TSHZ2: variants seen among roughly 807,000 people sequenced by gnomAD.
TSHZ2 encodes teashirt zinc finger homeobox 2.
Under a neutral mutation model 74.4 loss-of-function variants are expected in TSHZ2, and 21 were observed. The ratio of observed to expected loss-of-function variants is 0.28; its 90% CI spans 0.20 to 0.41. The LOEUF (loss-of-function observed/expected upper bound fraction) is 0.41, where lower values mean the gene tolerates loss of function less well. TSHZ2 is among the 10% of genes least tolerant of loss of function. The probability of loss-of-function intolerance (pLI) is 1.00; values close to 1 mark genes in which losing one functional copy is unlikely to be tolerated. For missense variants in TSHZ2, 1,244 were observed against 1,293.5 expected, an observed-to-expected ratio of 0.96 and a Z score of 0.59; for synonymous variants, 540 against 515.3, an observed-to-expected ratio of 1.05 and a Z score of -0.65.
intron 2 of TSHZ2, among the ~76,000 whole-genome samples, chr20:53,483,415 G>A (rs3908771): frequency 2.0e-5 from 3 of 152,032 alleles, no homozygotes; most frequent in South Asian, 2.1e-4. Flanking sequence ...GGAGGCTAAC[G>A]TGGGAGGATG....
At chr20:53,088,749 G>A (rs903611233) in intron 1 of TSHZ2, among the ~76,000 whole-genome samples, 8 of 152,032 alleles carry the variant, frequency 5.3e-5, no homozygotes, top group African/African-American at 1.9e-4. Context: ...ATTAATTGAA[G>A]GCTCACTCTG....
intron 2 of TSHZ2, among the ~76,000 whole-genome samples, chr20:53,340,184 C>CTTTTTTTTTTTT (rs557613827): frequency 0.013 from 1,417 of 109,394 alleles, 10 homozygotes; most frequent in South Asian, 0.021. Context: ...TTTCTTTTTT[C>CTTTTTTTTTTTT]TTTTTTTTTT....
chr20:53,347,035 C>T (rs1489638576), intron 2 of TSHZ2, among the ~76,000 whole-genome samples: 1 of 152,150 alleles, frequency 6.6e-6, no homozygotes, highest in African/African-American at 2.4e-5. Flanking sequence ...GGGTCAAAAC[C>T]AGAACCATAG....
chr20:53,245,809 A>AT (rs1277968925), intron 1 of TSHZ2, among the ~76,000 whole-genome samples: 1 of 152,106 alleles, frequency 6.6e-6, no homozygotes, highest in African/African-American at 2.4e-5. Flanking sequence ...AGTCACTCCT[A>AT]TTTGAGGTTG....
At chr20:53,014,735 A>G (rs990223521) in intron 1 of TSHZ2, among the ~76,000 whole-genome samples, 2 of 152,102 alleles carry the variant, frequency 1.3e-5, no homozygotes, top group Non-Finnish European at 2.9e-5. Context: ...CTACTTGTTA[A>G]TATCTTTCAG....
At chr20:53,236,756 C>A (rs144148920) in intron 1 of TSHZ2, among the ~76,000 whole-genome samples, 2 of 152,216 alleles carry the variant, frequency 1.3e-5, no homozygotes, top group East Asian at 3.8e-4. Flanking sequence ...AACTTACAAT[C>A]ATGACGGAAG....
chr20:53,217,457 A>C (rs1322417017), intron 1 of TSHZ2, among the ~76,000 whole-genome samples: 1 of 152,144 alleles, frequency 6.6e-6, no homozygotes, highest in Non-Finnish European at 1.5e-5. Context: ...AAGAACAACA[A>C]TAATCAGAAC....
chr20:53,061,810 A>G (rs1307212446), intron 1 of TSHZ2, among the ~76,000 whole-genome samples: 7 of 152,184 alleles, frequency 4.6e-5, no homozygotes, highest in African/African-American at 1.4e-4. Context: ...CTCAAATTCC[A>G]TTTTAAAATC....
chr20:53,346,579 G>C (rs1056961037), intron 2 of TSHZ2, among the ~76,000 whole-genome samples: 3 of 152,356 alleles, frequency 2.0e-5, no homozygotes, highest in South Asian at 2.1e-4. Context: ...TTCGAAGGAA[G>C]CTTAGGCTCC....
intron 1 of TSHZ2, among the ~76,000 whole-genome samples, chr20:53,010,370 C>A (rs1174768401): frequency 6.6e-6 from 1 of 152,100 alleles, no homozygotes; most frequent in Non-Finnish European, 1.5e-5. Context: ...CATGTCTAAA[C>A]ACACACTCCT....
Position 53,433,673 on chromosome 20 carries a change from TA to T in TSHZ2, c.*9-53469del, listed in dbSNP as rs1983934394. Among the ~76,000 whole-genome samples the T allele has an allele frequency of 3.3e-5, 5 of 151,618 alleles. No individual in the cohort carries two copies. In the South Asian group the frequency reaches 1.0e-3, roughly 31 times the overall value. ...GTGAAATGGATATTCCGTAGGTAAC[TA>T]ATGGTATCTGTCCCAGGGACTAATC... On this transcript the variant is annotated intron_variant, in intron 2 of 2. Transcript: ENST00000371497.
At chr20:53,153,861 C>G (rs1184920141) in intron 1 of TSHZ2, among the ~76,000 whole-genome samples, 1 of 152,150 alleles carries the variant, frequency 6.6e-6, no homozygotes, top group East Asian at 1.9e-4. Context: ...GCTGGTCTTG[C>G]GTGGCCTTAG....
rs145507545 is a variant in TSHZ2 at position 53,115,417 on chromosome 20, T to C, written c.41-138082T>C. On this transcript the variant is annotated intron_variant, in intron 1 of 2. Coordinates refer to ENST00000371497, the MANE Select transcript of TSHZ2 (RefSeq NM_173485.6). ...GATCTGATGGTTCTATAAAGGGCAG[T>C]TCCCCTGCACACATTCTCTCTTGCC... Among the ~76,000 whole-genome samples the C allele has an allele frequency of 3.1e-3, 465 of 152,296 alleles. 1 individual carries two copies. The highest frequency in any genetic ancestry group is 0.01 in the African/African-American group (435 of 41,566).
rs139715207 is a variant in TSHZ2, at chr20:53,116,193, GCATTA to G, written c.41-137300_41-137296del. On this transcript the variant is annotated intron_variant, in intron 1 of 2. Transcript: ENST00000371497. The stretch of plus-strand genomic sequence containing the variant: ...AATAAGCTACTGCTATTAATTGATT[GCATTA>G]CATTATATCATACTATTTTAAATAT... Among the ~76,000 whole-genome samples the G allele has an allele frequency of 7.8e-3, 1,181 of 152,252 alleles. 17 individuals carry two copies. Among genetic ancestry groups the G allele is most frequent in the African/African-American group, 0.027 (1,120 of 41,536 alleles).
At chr20:53,406,117 T>C (rs542405546) in intron 2 of TSHZ2, among the ~76,000 whole-genome samples, 3 of 151,698 alleles carry the variant, frequency 2.0e-5, no homozygotes, top group East Asian at 3.9e-4. Context: ...GAGACCTAAG[T>C]AGTGTGAAAG....
chr20:53,016,002 C>T (rs555365480), intron 1 of TSHZ2, among the ~76,000 whole-genome samples: 5 of 152,192 alleles, frequency 3.3e-5, no homozygotes, highest in Admixed American at 3.3e-4. Context: ...CTGCCTCTGA[C>T]GTTAAAGGGC....
chr20:53,341,988 G>A (rs1037366766), intron 2 of TSHZ2, among the ~76,000 whole-genome samples: 8 of 152,214 alleles, frequency 5.3e-5, no homozygotes, highest in East Asian at 1.9e-4. Flanking sequence ...TGGGATTATA[G>A]GCGTGAGCAA....
At chr20:52,982,329 G>T (rs764994678) in intron 1 of TSHZ2, among the ~76,000 whole-genome samples, 4 of 152,142 alleles carry the variant, frequency 2.6e-5, no homozygotes, top group Non-Finnish European at 4.4e-5. Flanking sequence ...ATAGCGAGTT[G>T]CCAGGAAGGA....
At chr20:53,385,321 A>C (rs1382465271) in intron 2 of TSHZ2, among the ~76,000 whole-genome samples, 1 of 152,080 alleles carries the variant, frequency 6.6e-6, no homozygotes, top group Non-Finnish European at 1.5e-5. Flanking sequence ...TCAGTTTCTC[A>C]GAATTGGAAA....
Sources: allele counts gnomAD v4.1 joint callset (sites outside exome capture counted in the v4.1 genomes callset), GRCh38; gene constraint gnomAD v4.1.1; transcripts MANE v1.5; gene names NCBI Gene and HGNC (gene_info 2026-07-23, HGNC 2026-07-21).